Variants in MYH10 observed in about 807,000 individuals in gnomAD.
The protein encoded by MYH10 is myosin heavy chain 10.
In MYH10, 55 loss-of-function variants were observed where a neutral mutation model predicts 257.8. That is an observed-to-expected ratio of 0.21 (90% CI 0.17 to 0.27). The LOEUF (loss-of-function observed/expected upper bound fraction) is 0.27, where lower values mean the gene tolerates loss of function less well. MYH10 is among the 10% of genes least tolerant of loss of function. The probability of loss-of-function intolerance (pLI) is 1.00; values close to 1 mark genes in which losing one functional copy is unlikely to be tolerated. For missense variants in MYH10, 1,631 were observed against 2,500.6 expected (o/e 0.65, Z 7.42); for synonymous variants, 854 against 921.7 (o/e 0.93, Z 1.33).
Position 8,504,030 on chromosome 17 carries a change from G to A in MYH10, c.3599+664C>T, listed in dbSNP as rs895907682. Among the ~76,000 whole-genome samples, 9 of 152,150 alleles carry A rather than the reference G, an allele frequency of 5.9e-5. No individual in the cohort carries two copies. Among genetic ancestry groups the A allele is most frequent in the African/African-American group, 2.2e-4 (9 of 41,426 alleles). On this transcript the variant is annotated intron_variant, in intron 28 of 42. Coordinates refer to ENST00000360416, the MANE Select transcript of MYH10 (RefSeq NM_001256012.3). The surrounding 1 kb of genome is among the most constrained non-coding windows in gnomAD (Gnocchi z 5.6). ...GGGAGCCGCAGGCCAGCACCTCCAG[G>A]CCTGCGTACCGGCTCACTGCTAAGG...
In MYH10 at chr17:8,542,235, G is replaced by T; in HGVS notation, c.1477C>A (p.Leu493Met). 6.2e-7 allele frequency: 1 copy of T among 1,614,162 alleles called. No individual in the cohort carries two copies. Among genetic ancestry groups the T allele is most frequent in the East Asian group, 2.2e-5 (1 of 44,884 alleles). The change falls in exon 14 of 43, where the codon CTG becomes ATG. Residue 493 changes from leucine to methionine, a missense_variant. By Grantham distance (15) the Leu-to-Met change is conservative (BLOSUM62 2). Transcript: ENST00000360416. The part of the protein sequence containing the change: ...QLCINYTNEK[L>M]QQLFNHTMFI... The stretch of plus-strand genomic sequence containing the variant: ...ATGGTGTGGTTGAACAGCTGCTGCA[G>T]CTTCTCATTGGTGTAGTTGATGCAA...
intron 37 of MYH10, among the ~76,000 whole-genome samples, chr17:8,482,709 C>T (rs1196307962): frequency 1.3e-5 from 2 of 152,226 alleles, no homozygotes; most frequent in African/African-American, 2.4e-5. Flanking sequence ...CCAGCTCAGT[C>T]TCTTCTCCCT....
At chr17:8,526,161 ACACTTTGGGAAATT>A (rs2081839485) in intron 17 of MYH10, among the ~76,000 whole-genome samples, 1 of 152,334 alleles carries the variant, frequency 6.6e-6, no homozygotes, top group East Asian at 1.9e-4. Flanking sequence ...TAAAAGAGAA[ACACTTTGGGAAATT>A]CATTAAATGA....
At chr17:8,578,796 C>T (rs2083594504) in intron 4 of MYH10, among the ~76,000 whole-genome samples, 4 of 152,068 alleles carry the variant, frequency 2.6e-5, no homozygotes, top group Non-Finnish European at 5.9e-5. Flanking sequence ...CCTAACTTTA[C>T]AGTCAACAAA....
At chr17:8,600,946 A>C (rs1307277564) in intron 3 of MYH10, among the ~76,000 whole-genome samples, 2 of 152,236 alleles carry the variant, frequency 1.3e-5, no homozygotes, top group African/African-American at 4.8e-5. Context: ...GAAAGTTTGC[A>C]CATCAGAGAG....
At position 8,520,487 on chromosome 17, in the gene MYH10, A is replaced by G. The variant is rs543521578; in HGVS notation, c.2273+391T>C. 7.9e-5 allele frequency among the ~76,000 whole-genome samples: 12 copies of G among 152,194 alleles called. No homozygotes were observed. The South Asian group carries it at 2.3e-3, about 29-fold the overall frequency. ...CTCCAGCCTGGGTGACAGAGCGAAGACTCCATCTCAAAAATAATAAATAAA... is the reference window on the plus strand; with the variant it reads ...CTCCAGCCTGGGTGACAGAGCGAAGGCTCCATCTCAAAAATAATAAATAAA... On this transcript the variant is annotated intron_variant, in intron 19 of 42. Transcript: ENST00000360416.
chr17:8,621,667 C>T (rs1246957025), intron 2 of MYH10, among the ~76,000 whole-genome samples: 1 of 152,210 alleles, frequency 6.6e-6, no homozygotes, highest in East Asian at 1.9e-4. Flanking sequence ...AACCCTGTGG[C>T]CTCTTACTCT....
At chr17:8,588,538 C>CTCT (rs2083999809) in intron 4 of MYH10, among the ~76,000 whole-genome samples, 1 of 152,222 alleles carries the variant, frequency 6.6e-6, no homozygotes, top group African/African-American at 2.4e-5. Context: ...GCAACCACTG[C>CTCT]TCTCTAGGTT....
chr17:8,549,640 G>GC, intron 9 of MYH10, among the ~76,000 whole-genome samples: 1 of 152,254 alleles, frequency 6.6e-6, no homozygotes, highest in African/African-American at 2.4e-5. Flanking sequence ...ACAGGGTACT[G>GC]CCTGCTGCTT....
rs564221999 is a variant in MYH10, at chr17:8,496,813, C to T, written c.3952-1572G>A. Among the ~76,000 whole-genome samples, 12 of 152,318 alleles carry T rather than the reference C, an allele frequency of 7.9e-5. No homozygotes were observed. In the South Asian group the frequency reaches 2.3e-3, roughly 29 times the overall value. On this transcript the variant is annotated intron_variant, in intron 30 of 42. Coordinates refer to ENST00000360416, the MANE Select transcript of MYH10 (RefSeq NM_001256012.3). ...AACTTGAATTTAGCAAGAGTTCCCACTATTTCCTGAACAATAAGGGTGGCT... is the reference window on the plus strand; with the variant it reads ...AACTTGAATTTAGCAAGAGTTCCCATTATTTCCTGAACAATAAGGGTGGCT...
At chr17:8,610,729 C>A (rs2152086951) in intron 2 of MYH10, among the ~76,000 whole-genome samples, 1 of 152,322 alleles carries the variant, frequency 6.6e-6, no homozygotes, top group South Asian at 2.1e-4. Context: ...TGGAATGATG[C>A]CGCAAGAAGG....
At chr17:8,608,114 C>T (rs1358846145) in intron 2 of MYH10, among the ~76,000 whole-genome samples, 1 of 151,998 alleles carries the variant, frequency 6.6e-6, no homozygotes, top group African/African-American at 2.4e-5. Context: ...GGAATGTGAG[C>T]GACAAGGGCC....
At chr17:8,518,165 C>T (rs930168156) in intron 21 of MYH10, among the ~76,000 whole-genome samples, 12 of 142,014 alleles carry the variant, frequency 8.4e-5, no homozygotes, top group Non-Finnish European at 1.8e-4. Context: ...TAGGGTCTCA[C>T]TTTGTCACCC....
chr17:8,538,236 G>A (rs1191193158), intron 14 of MYH10, among the ~76,000 whole-genome samples: 3 of 152,080 alleles, frequency 2.0e-5, no homozygotes, highest in African/African-American at 4.8e-5. Context: ...ACGGAGTCTC[G>A]CTCTTGTCCC....
chr17:8,568,786 A>G (rs1006663541), intron 7 of MYH10, among the ~76,000 whole-genome samples: 3 of 152,038 alleles, frequency 2.0e-5, no homozygotes, highest in Non-Finnish European at 4.4e-5. Flanking sequence ...GAAGGTGAGC[A>G]GCTGGGGTGG....
intron 21 of MYH10, among the ~76,000 whole-genome samples, chr17:8,516,443 G>A (rs1597714900): frequency 1.3e-5 from 2 of 152,288 alleles, no homozygotes; most frequent in East Asian, 3.9e-4. Context: ...TATGCATAGT[G>A]TGAATAAAAT....
rs75320530 is a variant in MYH10 at position 8,513,411 on chromosome 17, G to C, written c.2745+127C>G. 0.011 allele frequency: 15,144 copies of C among 1,377,700 alleles called. 1,184 individuals are homozygous for C. In the African/African-American group the frequency reaches 0.18, roughly 16 times the overall value. The allele number at this position is 1,377,700 out of a possible 1,614,324, so 85.3% of individuals were successfully genotyped here. A position where few individuals can be genotyped will look rare whatever the true frequency, so the allele number is the denominator to read the frequency against. ...ATACAATTTGGAAATGAGTGAAAAG[G>C]CCTCCCATAAAATAAGATGATATGG... On this transcript the variant is annotated intron_variant, in intron 23 of 42. Transcript: ENST00000360416.
chr17:8,544,661 C>A (rs947234689), intron 13 of MYH10, among the ~76,000 whole-genome samples: 1 of 152,062 alleles, frequency 6.6e-6, no homozygotes, highest in Non-Finnish European at 1.5e-5. Context: ...ACAAAAAGCA[C>A]TTAATATTTG....
At position 8,490,112 on chromosome 17, in the gene MYH10, G is replaced by A; in HGVS notation, c.4884+228C>T. 2.2e-6 allele frequency: 1 copy of A among 453,378 alleles called. No individual in the cohort carries two copies. The highest frequency in any genetic ancestry group is 4.0e-6 in the Non-Finnish European group (1 of 250,122). 28.1% of individuals were successfully genotyped at this position (453,378 alleles called of 1,614,324 possible). A position where few individuals can be genotyped will look rare whatever the true frequency, so the allele number is the denominator to read the frequency against. ...CCACTGAGGGCTTTCTGACTGATAA[G>A]TGTCTGGCTTGTAGGCAGGAATGAT... On this transcript the variant is annotated intron_variant, in intron 35 of 42. Coordinates refer to ENST00000360416, the MANE Select transcript of MYH10 (RefSeq NM_001256012.3). The surrounding 1 kb of genome is among the most constrained non-coding windows in gnomAD (Gnocchi z 4.1).
Sources: gnomAD v4.1 joint callset for allele counts (sites outside exome capture counted in the v4.1 genomes callset) on GRCh38, gnomAD v4.1.1 for gene constraint, Gnocchi (gnomAD v3.1) non-coding constraint, MANE v1.5 for transcripts, NCBI Gene and HGNC (gene_info 2026-07-23, HGNC 2026-07-21) for gene names.